Variants in TENM2 observed in about 807,000 individuals in gnomAD.
TENM2 encodes the protein teneurin-2.
A neutral mutation model predicts 245.2 loss-of-function variants in TENM2; 52 were observed. That is an observed-to-expected ratio of 0.21 (90% CI 0.17 to 0.27). TENM2 has a LOEUF of 0.27. Among genes scored for constraint, TENM2 ranks in the 10% least tolerant of loss-of-function variants. TENM2 has a pLI of 1.00. For missense variants in TENM2, 3,046 were observed against 3,666.8 expected, an observed-to-expected ratio of 0.83 and a Z score of 4.37; for synonymous variants, 1,363 against 1,438.9, an observed-to-expected ratio of 0.95 and a Z score of 1.19.
chr5:167,070,210 C>T, the TENM2 span, among the ~76,000 whole-genome samples: 236 of 151,300 alleles, frequency 1.6e-3, no homozygotes, highest in African/African-American at 5.2e-3. Context: ...CTCCGCCTCC[C>T]GGGTTCACTC....
intron 12 of TENM2, among the ~76,000 whole-genome samples, chr5:168,150,363 C>T (rs530713163): frequency 9.8e-5 from 15 of 152,340 alleles, no homozygotes; most frequent in African/African-American, 3.6e-4. Flanking sequence ...CCCTGATTCG[C>T]ACACACTGAA....
chr5:167,937,655 C>T (rs1404803370), intron 3 of TENM2: 1 of 151,874 alleles, frequency 6.6e-6, no homozygotes, highest in African/African-American at 2.4e-5. Flanking sequence ...TGTTGGTTAA[C>T]GAAAAAGAAA....
intron 3 of TENM2, among the ~76,000 whole-genome samples, chr5:167,904,212 C>T (rs1293561154): frequency 6.6e-6 from 1 of 152,112 alleles, no homozygotes; most frequent in Non-Finnish European, 1.5e-5. Context: ...GAGTCAATAC[C>T]ATCAAGGGGC....
At chr5:168,198,396 A>C (rs1364529990) in intron 15 of TENM2, among the ~76,000 whole-genome samples, 3 of 151,924 alleles carry the variant, frequency 2.0e-5, no homozygotes, top group Non-Finnish European at 4.4e-5. Context: ...GGGTTTCACC[A>C]TATTGGCCAG....
chr5:167,581,761 A>G (rs1428861593), intron 2 of TENM2, among the ~76,000 whole-genome samples: 1 of 152,210 alleles, frequency 6.6e-6, no homozygotes, highest in Non-Finnish European at 1.5e-5. Context: ...TGACATTATT[A>G]ATTTCCCACA....
chr5:167,884,918 G>C (rs1007628530), intron 3 of TENM2, among the ~76,000 whole-genome samples: 10 of 152,198 alleles, frequency 6.6e-5, no homozygotes, highest in Middle Eastern at 3.4e-3. Flanking sequence ...TCCAATACTT[G>C]TTACCTTCTG....
Position 167,875,982 on chromosome 5 carries a change from C to T in TENM2, c.503-4C>T, listed in dbSNP as rs765538139. The T allele has an allele frequency of 1.3e-6, 2 of 1,550,440 alleles. No homozygotes were observed. The highest frequency in any genetic ancestry group is 1.7e-6 in the Non-Finnish European group (2 of 1,146,566). On this transcript the variant is annotated splice_region_variant and splice_polypyrimidine_tract_variant and intron_variant, in intron 2 of 28. Transcript: ENST00000518659. Reference sequence around the variant, plus strand: ...ACCTTTGACCCCTCTGTCCTCTTTCCCAGGTCGTCCCATTCCACCTACATC... The same window carrying T: ...ACCTTTGACCCCTCTGTCCTCTTTCTCAGGTCGTCCCATTCCACCTACATC...
At chr5:167,789,344 G>A (rs556058008) in intron 2 of TENM2, among the ~76,000 whole-genome samples, 23 of 152,312 alleles carry the variant, frequency 1.5e-4, no homozygotes, top group Admixed American at 5.2e-4. Context: ...AGAACTAGTC[G>A]TAGGTCAGTG....
rs72645738 is a variant in TENM2, at chr5:167,298,105, T to G, written c.226+13042T>G. Among the ~76,000 whole-genome samples, 2,764 of 151,536 alleles carry G rather than the reference T, an allele frequency of 0.018. 168 individuals carry two copies. In the East Asian group the frequency reaches 0.21, roughly 12 times the overall value. ...AATAGTGGTAAAATGTTGGGGAAAA[T>G]TTTTGGGGGTGGGATGGAGAGATAA... On this transcript the variant is annotated intron_variant, in intron 1 of 28. Transcript: ENST00000518659.
At chr5:167,062,279 C>T in the TENM2 span, among the ~76,000 whole-genome samples, 1 of 151,944 alleles carries the variant, frequency 6.6e-6, no homozygotes, top group Non-Finnish European at 1.5e-5. Flanking sequence ...GGATTGCTGT[C>T]TCTTCTGAAG....
At chr5:167,078,210 G>C in the TENM2 span, among the ~76,000 whole-genome samples, 3 of 152,226 alleles carry the variant, frequency 2.0e-5, no homozygotes, top group South Asian at 6.2e-4. Flanking sequence ...TGGGCCGGGT[G>C]CAGTGGCTCA....
chr5:167,755,577 G>A (rs537501438), intron 2 of TENM2, among the ~76,000 whole-genome samples: 58 of 152,242 alleles, frequency 3.8e-4, no homozygotes, highest in African/African-American at 1.4e-3. Flanking sequence ...GACTCTGTCT[G>A]CATCTGTCAC....
the TENM2 span, among the ~76,000 whole-genome samples, chr5:167,018,268 G>A: frequency 6.6e-6 from 1 of 152,072 alleles, no homozygotes; most frequent in African/African-American, 2.4e-5. Context: ...TCATTGCAAT[G>A]GGTCATTGTT....
At chr5:168,228,256 G>C (rs1275494161) in intron 25 of TENM2, 126 bp downstream of exon 27, 2 of 751,728 alleles carry the variant, frequency 2.7e-6, no homozygotes, top group Non-Finnish European at 4.3e-6. Context: ...ACAGAGCTGA[G>C]AAAGTTTCCC....
chr5:167,151,597 C>T, the TENM2 span, among the ~76,000 whole-genome samples: 1 of 152,294 alleles, frequency 6.6e-6, no homozygotes, highest in East Asian at 1.9e-4. Flanking sequence ...CGGCTCACTG[C>T]AAGTTCCACC....
chr5:167,220,465 A>T, the TENM2 span, among the ~76,000 whole-genome samples: 1 of 152,234 alleles, frequency 6.6e-6, no homozygotes, highest in African/African-American at 2.4e-5. Context: ...AAACAAGGAC[A>T]TAGCTCATTT....
chr5:167,013,139 T>A, the TENM2 span, among the ~76,000 whole-genome samples: 1 of 152,124 alleles, frequency 6.6e-6, no homozygotes, highest in Non-Finnish European at 1.5e-5. Flanking sequence ...AACTATGTCT[T>A]TAAAATATTA....
downstream of TENM2, chr5:168,263,102 C>T (rs943370086): frequency 1.0e-4 from 37 of 353,316 alleles, no homozygotes; most frequent in Non-Finnish European, 1.9e-4. Flanking sequence ...CCCACTTGTT[C>T]TGGGTCTACG....
intron 15 of TENM2, 61 bp downstream of exon 17, chr5:168,195,356 C>T (rs575366062): frequency 6.0e-5 from 93 of 1,543,194 alleles, no homozygotes; most frequent in Non-Finnish European, 7.6e-5. Flanking sequence ...AAGGGACAGA[C>T]GGTGCTGTTG....
Sources: gnomAD v4.1 joint callset for allele counts (sites outside exome capture counted in the v4.1 genomes callset) on GRCh38, gnomAD v4.1.1 for gene constraint, MANE v1.5 for transcripts, NCBI Gene and HGNC (gene_info 2026-07-23, HGNC 2026-07-21) for gene names.